The following SLC27A2 variants were observed in gnomAD, a reference collection of about 807,000 sequenced individuals.
SLC27A2 encodes the protein solute carrier family 27 member 2, also known as long-chain fatty acid transport protein 2.
Under a neutral mutation model 60.0 loss-of-function variants are expected in SLC27A2, and 54 were observed. The observed-to-expected ratio is 0.90, with a 90% CI of 0.72 to 1.13. SLC27A2 has a LOEUF of 1.13. Among genes scored for constraint, SLC27A2 ranks in the 50% most tolerant of loss-of-function variants. The pLI is 0.00. For missense variants in SLC27A2, 739 were observed against 777.6 expected (o/e 0.95, Z 0.59); for synonymous variants, 297 against 297.6 (o/e 1.00, Z 0.02).
chr15:50,234,377 C>T (rs913609678), intron 9 of SLC27A2, among the ~76,000 whole-genome samples: 1 of 151,960 alleles, frequency 6.6e-6, no homozygotes, highest in Non-Finnish European at 1.5e-5. Context: ...CACCTGAGGT[C>T]GGGGGTTCGA....
At chr15:50,230,577 G>T (rs1358509468) in intron 8 of SLC27A2, among the ~76,000 whole-genome samples, 1 of 152,152 alleles carries the variant, frequency 6.6e-6, no homozygotes, top group Non-Finnish European at 1.5e-5. Context: ...AATATCTCTT[G>T]CTTGTTCCTC....
chr15:50,207,755 A>C (rs1331295844), intron 4 of SLC27A2, among the ~76,000 whole-genome samples: 13 of 151,056 alleles, frequency 8.6e-5, no homozygotes. Context: ...GCACCACTGC[A>C]CTCAAGCCTG....
At chr15:50,205,531 A>C (rs1439158603) in intron 4 of SLC27A2, among the ~76,000 whole-genome samples, 168 bp downstream of exon 4, 1 of 152,196 alleles carries the variant, frequency 6.6e-6, no homozygotes, top group Non-Finnish European at 1.5e-5. Context: ...GAGGGGACTT[A>C]GTAGGTGGGA....
In SLC27A2 at chr15:50,236,272, G is replaced by A. The variant is rs369449804; in HGVS notation, c.*176G>A. ...GAGTCTTTGCAAGTAAAAAGATTTA[G>A]AGATTATTATTTTTCAGTGTGCACC... is the stretch of plus-strand genomic sequence containing the variant. On this transcript the variant is annotated 3_prime_UTR_variant, in exon 10 of 10. Transcript: ENST00000267842. 5 of 487,934 alleles carry A rather than the reference G, an allele frequency of 1.0e-5. No individual in the cohort carries two copies. The highest frequency in any genetic ancestry group is 5.9e-5 in the African/African-American group (3 of 50,432). The allele number at this position is 487,934 out of a possible 1,614,324, so 30.2% of individuals were successfully genotyped here.
chr15:50,229,628 A>T (rs2045302411), intron 8 of SLC27A2, among the ~76,000 whole-genome samples: 2 of 152,208 alleles, frequency 1.3e-5, no homozygotes, highest in Admixed American at 6.5e-5. Flanking sequence ...CAGGCAAATC[A>T]CTAAAATTAA....
chr15:50,206,134 A>G (rs1295442140), intron 4 of SLC27A2, among the ~76,000 whole-genome samples: 1 of 152,022 alleles, frequency 6.6e-6, no homozygotes, highest in African/African-American at 2.4e-5. Context: ...TGGGCTTTTA[A>G]TTCTTTGCCG....
intron 4 of SLC27A2, among the ~76,000 whole-genome samples, chr15:50,218,563 G>A (rs1434309159): frequency 6.6e-6 from 1 of 152,072 alleles, no homozygotes; most frequent in East Asian, 1.9e-4. Context: ...TAGCAACACT[G>A]CAAGCTGAAA....
At chr15:50,202,257 T>C (rs1343508636) in intron 2 of SLC27A2, among the ~76,000 whole-genome samples, 1 of 152,236 alleles carries the variant, frequency 6.6e-6, no homozygotes, top group Non-Finnish European at 1.5e-5. Context: ...TTGACTACAA[T>C]AGCAGAGTTC....
chr15:50,189,441 A>G (rs2044955445), intron 1 of SLC27A2, among the ~76,000 whole-genome samples: 1 of 152,170 alleles, frequency 6.6e-6, no homozygotes, highest in Non-Finnish European at 1.5e-5. Flanking sequence ...CCAGACACCA[A>G]ATGATTAATA....
chr15:50,227,199 G>T, intron 7 of SLC27A2, 21 bp downstream of exon 7: 1 of 1,600,604 alleles, frequency 6.2e-7, no homozygotes, highest in South Asian at 1.1e-5. Context: ...CTGAATCATT[G>T]AGCCAAAAAC....
chr15:50,233,288 AC>A (rs1165517570), intron 8 of SLC27A2, among the ~76,000 whole-genome samples: 3 of 152,220 alleles, frequency 2.0e-5, no homozygotes, highest in African/African-American at 7.2e-5. Context: ...CAGAAGTGCA[AC>A]AAACCTGACA....
chr15:50,201,584 C>T (rs1265262459), intron 2 of SLC27A2, among the ~76,000 whole-genome samples: 1 of 150,076 alleles, frequency 6.7e-6, no homozygotes, highest in East Asian at 2.0e-4. Context: ...GAGATGGAGT[C>T]TTGCTCTGTC....
chr15:50,195,821 C>T (rs900222718), intron 1 of SLC27A2, among the ~76,000 whole-genome samples: 9 of 149,926 alleles, frequency 6.0e-5, no homozygotes, highest in Non-Finnish European at 1.2e-4. Context: ...TTTGGGAGGC[C>T]GAGGCGGGCG....
At chr15:50,187,990 A>G (rs2555485) in intron 1 of SLC27A2, among the ~76,000 whole-genome samples, 6,779 of 147,310 alleles carry the variant, frequency 0.046, 204 homozygotes, top group Admixed American at 0.056. Flanking sequence ...AAAAAAGGAG[A>G]GAGAGTCCCA....
At position 50,205,256 on chromosome 15, in the gene SLC27A2, C is replaced by T. The variant is rs375496298; in HGVS notation, c.865C>T (p.Arg289Trp). The change falls in exon 4 of 10, where the codon CGG (arginine) becomes TGG (tryptophan). Residue 289 changes from arginine (R) to tryptophan (W), a missense_variant. By Grantham distance (101) the Arg-to-Trp change is moderately radical (BLOSUM62 -3). Transcript: ENST00000267842. ...CTCTGTAGGTGCTACTCTTGCCTTG[C>T]GGACTAAATTTTCAGCCAGCCAGTT... ...CIVAGATLALRTKFSASQFWD... is the reference protein window; with the variant it reads ...CIVAGATLALWTKFSASQFWD... 1.6e-5 allele frequency: 26 copies of T among 1,607,988 alleles called. No individual in the cohort carries two copies. Among genetic ancestry groups the T allele is most frequent in the East Asian group, 1.6e-4 (7 of 44,808 alleles).
intron 2 of SLC27A2, among the ~76,000 whole-genome samples, chr15:50,201,685 A>T (rs11637894): frequency 2.6e-5 from 4 of 151,680 alleles, no homozygotes; most frequent in Non-Finnish European, 5.9e-5. Context: ...CCTCCTGAGT[A>T]GCTAGGACTA....
At chr15:50,210,456 A>G (rs866339453) in intron 4 of SLC27A2, among the ~76,000 whole-genome samples, 4 of 152,166 alleles carry the variant, frequency 2.6e-5, no homozygotes, top group Non-Finnish European at 5.9e-5. Flanking sequence ...GCAAAATACA[A>G]AGGTAGAGGA....
rs116128903 is a variant in SLC27A2, at chr15:50,235,128, A to G, written c.1687-792A>G. ...TTTGAGCTCTGTGATTCTGTAGCTG[A>G]AGACTTGACAAAGGAGGTCTTAAGA... On this transcript the variant is annotated intron_variant, in intron 9 of 9. Coordinates refer to ENST00000267842, the MANE Select transcript of SLC27A2 (RefSeq NM_003645.4). Among the ~76,000 whole-genome samples the G allele has an allele frequency of 9.5e-3, 1,451 of 152,302 alleles. 22 individuals are homozygous for G. The highest frequency in any genetic ancestry group is 0.034 in the African/African-American group (1,394 of 41,562).
At chr15:50,208,564 T>C (rs2045131223) in intron 4 of SLC27A2, among the ~76,000 whole-genome samples, 1 of 152,224 alleles carries the variant, frequency 6.6e-6, no homozygotes, top group African/African-American at 2.4e-5. Context: ...TTATTATCAT[T>C]ATCACTTTCC....
Sources: allele counts gnomAD v4.1 joint callset (sites outside exome capture counted in the v4.1 genomes callset), GRCh38; gene constraint gnomAD v4.1.1; transcripts MANE v1.5; gene names NCBI Gene and HGNC (gene_info 2026-07-23, HGNC 2026-07-21).